The following NKAIN2 variants were observed in gnomAD, a reference collection of about 807,000 sequenced individuals.
NKAIN2 encodes sodium/potassium-transporting ATPase subunit beta-1-interacting protein 2.
In NKAIN2, 14 loss-of-function variants were observed where a neutral mutation model predicts 32.6. That is an observed-to-expected ratio of 0.43 (90% CI 0.28 to 0.67). NKAIN2 has a LOEUF of 0.67. Among genes scored for constraint, NKAIN2 ranks in the 30% least tolerant of loss-of-function variants. The probability of loss-of-function intolerance (pLI) is 0.17; values close to 1 mark genes in which losing one functional copy is unlikely to be tolerated. For synonymous variants in NKAIN2, 80 were observed against 87.2 expected (o/e 0.92, Z 0.46); for missense variants, 198 against 258.3 (o/e 0.77, Z 1.60).
chr6:123,897,420 C>T (rs58911582), intron 1 of NKAIN2, among the ~76,000 whole-genome samples: 3,285 of 152,178 alleles, frequency 0.022, 114 homozygotes, highest in African/African-American at 0.075. Context: ...GTCAAGCATC[C>T]TCTCAAATGC....
intron 1 of NKAIN2, among the ~76,000 whole-genome samples, chr6:123,986,969 G>A (rs1283175507): frequency 1.3e-5 from 2 of 152,058 alleles, no homozygotes; most frequent in Non-Finnish European, 1.5e-5. Context: ...ATATATAGGA[G>A]GACTATAACG....
intron 1 of NKAIN2, among the ~76,000 whole-genome samples, chr6:123,973,832 A>G (rs1478003073): frequency 6.6e-6 from 1 of 152,146 alleles, no homozygotes; most frequent in Non-Finnish European, 1.5e-5. Context: ...TTTCTGATAT[A>G]GCTCAATGTT....
intron 1 of NKAIN2, among the ~76,000 whole-genome samples, chr6:124,007,574 A>C (rs1275557398): frequency 6.6e-6 from 1 of 152,214 alleles, no homozygotes; most frequent in Admixed American, 6.6e-5. Flanking sequence ...ATGCAGCAAC[A>C]TTCTTAAGGC....
chr6:123,972,013 T>A (rs1778367453), intron 1 of NKAIN2, among the ~76,000 whole-genome samples: 1 of 152,168 alleles, frequency 6.6e-6, no homozygotes, highest in African/African-American at 2.4e-5. Flanking sequence ...AGCTTTCCCC[T>A]TCCCCAACCA....
At chr6:124,341,217 C>T (rs1798101129) in intron 2 of NKAIN2, among the ~76,000 whole-genome samples, 1 of 151,762 alleles carries the variant, frequency 6.6e-6, no homozygotes, top group Admixed American at 6.6e-5. Context: ...AAGAAAATGA[C>T]AAAAAGCTAA....
At chr6:124,074,265 T>A (rs1783591854) in intron 1 of NKAIN2, among the ~76,000 whole-genome samples, 1 of 152,298 alleles carries the variant, frequency 6.6e-6, no homozygotes, top group East Asian at 1.9e-4. Flanking sequence ...CTGCCTGGCA[T>A]GTACCAGAAT....
chr6:124,296,031 A>G (rs1451693960), intron 2 of NKAIN2, among the ~76,000 whole-genome samples: 2 of 152,088 alleles, frequency 1.3e-5, no homozygotes, highest in East Asian at 1.9e-4. Context: ...GCATAATTCT[A>G]TTTTTAAAAT....
intron 4 of NKAIN2, among the ~76,000 whole-genome samples, chr6:124,720,495 A>G (rs1460836871): frequency 1.3e-5 from 2 of 152,228 alleles, no homozygotes; most frequent in Non-Finnish European, 2.9e-5. Context: ...CTTATTTGAC[A>G]TGTTGAAAAT....
chr6:124,616,204 T>A (rs906811303), intron 3 of NKAIN2, among the ~76,000 whole-genome samples: 20 of 152,074 alleles, frequency 1.3e-4, no homozygotes, highest in Non-Finnish European at 2.8e-4. Flanking sequence ...TCCCTTCTTG[T>A]AAGTGTCATC....
chr6:124,357,556 C>T (rs1272491132), intron 3 of NKAIN2, among the ~76,000 whole-genome samples: 1 of 151,852 alleles, frequency 6.6e-6, no homozygotes, highest in East Asian at 1.9e-4. Flanking sequence ...ATGTGTCTAC[C>T]CTATGAATGG....
intron 4 of NKAIN2, among the ~76,000 whole-genome samples, chr6:124,713,895 G>A (rs1775620490): frequency 6.6e-6 from 1 of 152,194 alleles, no homozygotes; most frequent in African/African-American, 2.4e-5. Context: ...AGATGCTATA[G>A]GGTCAGGGGT....
chr6:124,665,391 T>C (rs1276869928), intron 4 of NKAIN2, among the ~76,000 whole-genome samples: 1 of 152,186 alleles, frequency 6.6e-6, no homozygotes, highest in Non-Finnish European at 1.5e-5. Flanking sequence ...GGTAGGCATT[T>C]AAATAATGTT....
chr6:124,562,463 G>A (rs1307534412), intron 3 of NKAIN2, among the ~76,000 whole-genome samples: 1 of 152,126 alleles, frequency 6.6e-6, no homozygotes, highest in Non-Finnish European at 1.5e-5. Flanking sequence ...GCTTTATCTG[G>A]CTAGAACAGA....
chr6:123,834,071 T>C (rs553572400), intron 1 of NKAIN2, among the ~76,000 whole-genome samples: 35 of 152,106 alleles, frequency 2.3e-4, no homozygotes, highest in African/African-American at 8.0e-4. Context: ...ATAGCTGGTA[T>C]GTAAGAAGGT....
chr6:123,806,810 AG>A (rs1773235935), intron 1 of NKAIN2, among the ~76,000 whole-genome samples: 1 of 152,038 alleles, frequency 6.6e-6, no homozygotes, highest in African/African-American at 2.4e-5. Flanking sequence ...AACTTTATTC[AG>A]TTGCTTTATT....
intron 1 of NKAIN2, among the ~76,000 whole-genome samples, chr6:123,869,706 A>C (rs1772766995): frequency 6.6e-6 from 1 of 152,174 alleles, no homozygotes; most frequent in Admixed American, 6.5e-5. Flanking sequence ...AGTTTACTTA[A>C]ATGAAACTCT....
intron 3 of NKAIN2, among the ~76,000 whole-genome samples, chr6:124,415,878 CTTTTTT>C: frequency 4.1e-5 from 3 of 72,590 alleles, no homozygotes; most frequent in Non-Finnish European, 5.2e-5. Flanking sequence ...TTTTTATTTG[CTTTTTT>C]TTTTTTTTTT....
At chr6:124,178,223 C>G (rs899198256) in intron 1 of NKAIN2, among the ~76,000 whole-genome samples, 1 of 152,108 alleles carries the variant, frequency 6.6e-6, no homozygotes, top group South Asian at 2.1e-4. Flanking sequence ...GTGAGAAATA[C>G]ATTTCTGTTG....
At chr6:124,667,597 G>T (rs1415540820) in intron 4 of NKAIN2, among the ~76,000 whole-genome samples, 3 of 152,012 alleles carry the variant, frequency 2.0e-5, no homozygotes, top group Non-Finnish European at 4.4e-5. Context: ...TTCCAGTCAT[G>T]ATCAGTTATT....
Sources: allele counts gnomAD v4.1 joint callset (sites outside exome capture counted in the v4.1 genomes callset), GRCh38; gene constraint gnomAD v4.1.1; transcripts MANE v1.5; gene names NCBI Gene and HGNC (gene_info 2026-07-23, HGNC 2026-07-21).